NOL4L: variants seen among roughly 807,000 people sequenced by gnomAD.
NOL4L encodes nucleolar protein 4-like.
A neutral mutation model predicts 64.5 loss-of-function variants in NOL4L; 7 were observed. That is an observed-to-expected ratio of 0.11 (90% confidence interval 0.06 to 0.20). The LOEUF is 0.20. Among genes scored for constraint, NOL4L ranks in the 10% least tolerant of loss-of-function variants. The probability of loss-of-function intolerance (pLI) is 1.00; values close to 1 mark genes in which losing one functional copy is unlikely to be tolerated. For synonymous variants in NOL4L, 413 were observed against 401.0 expected, an observed-to-expected ratio of 1.03 and a Z score of -0.36; for missense variants, 680 against 967.1, an observed-to-expected ratio of 0.70 and a Z score of 3.94.
rs909082226 is a variant in NOL4L at position 32,464,734 on chromosome 20, T to C, written c.842-8339A>G. On this transcript the variant is annotated intron_variant, in intron 5 of 10. Transcript: ENST00000621426. The surrounding 1 kb of genome is among the most constrained non-coding windows in gnomAD (Gnocchi z 5.6). ...GTGGGAGCCGCATGAGGGATTTGAG[T>C]GCCCTAGTACCCACATTTTAAAAAG... 3.2e-6 allele frequency: 1 copy of C among 309,566 alleles called. No individual in the cohort carries two copies. The highest frequency in any genetic ancestry group is 5.9e-6 in the Non-Finnish European group (1 of 170,278). The allele number at this position is 309,566 out of a possible 1,614,324, so 19.2% of individuals were successfully genotyped here. A position where few individuals can be genotyped will look rare whatever the true frequency, so the allele number is the denominator to read the frequency against.
chr20:32,564,227 C>T (rs1415656357), intron 1 of NOL4L, among the ~76,000 whole-genome samples: 1 of 152,194 alleles, frequency 6.6e-6, no homozygotes, highest in African/African-American at 2.4e-5. Flanking sequence ...TTAACGTGGC[C>T]CTGTCATCCT....
intron 4 of NOL4L, among the ~76,000 whole-genome samples, chr20:32,476,227 A>ACACG (rs2015388232): frequency 6.6e-6 from 1 of 151,724 alleles, no homozygotes; most frequent in East Asian, 1.9e-4. Context: ...ACACACACAC[A>ACACG]CACACACACG....
chr20:32,527,991 G>C (rs1361965438), intron 1 of NOL4L, 78 bp from the exon 2 acceptor site: 12 of 1,395,502 alleles, frequency 8.6e-6, no homozygotes, highest in African/African-American at 2.8e-5. Context: ...CCGGGGCAAG[G>C]GGTCAGGACG....
intron 1 of NOL4L, among the ~76,000 whole-genome samples, chr20:32,539,998 G>A (rs1434803753): frequency 6.6e-6 from 1 of 152,208 alleles, no homozygotes; most frequent in African/African-American, 2.4e-5. Flanking sequence ...TTCCTGCCAA[G>A]CTGATACCAG....
Position 32,502,688 on chromosome 20 carries a change from A to G in NOL4L, c.699+8659T>C, listed in dbSNP as rs950072942. On this transcript the variant is annotated intron_variant, in intron 4 of 10. Coordinates refer to ENST00000621426, the MANE Select transcript of NOL4L (RefSeq NM_001256798.2). Reference sequence around the variant, plus strand: ...CACTTTGGGAAGCCGAGGCGGGTGGATCACCTGAGGTCAGGAGTTCGAGAC... The same window carrying G: ...CACTTTGGGAAGCCGAGGCGGGTGGGTCACCTGAGGTCAGGAGTTCGAGAC... Among the ~76,000 whole-genome samples the G allele has an allele frequency of 5.9e-5, 9 of 151,946 alleles. No individual in the cohort carries two copies. In the East Asian group the frequency reaches 1.5e-3, roughly 26 times the overall value.
In NOL4L at chr20:32,453,237, C is replaced by T; in HGVS notation, c.1497+67G>A. ...CCCTGGGTGAAGGGGCCCGGGCATC[C>T]TGGGAGTGTGGCAGGAGGTCAGTAG... On this transcript the variant is annotated intron_variant, in intron 8 of 10. Coordinates refer to ENST00000621426, the MANE Select transcript of NOL4L (RefSeq NM_001256798.2). This position sits in a 1 kb window ranked among gnomAD's most constrained non-coding sequence, Gnocchi z 5.6. 6.4e-7 allele frequency: 1 copy of T among 1,563,630 alleles called. No homozygotes were observed. The highest frequency in any genetic ancestry group is 8.7e-7 in the Non-Finnish European group (1 of 1,148,110).
chr20:32,538,462 GCTCCCTCCCTCCCTCCCTCCCTCC>G (rs145359787), intron 1 of NOL4L, among the ~76,000 whole-genome samples: 89 of 125,970 alleles, frequency 7.1e-4, no homozygotes, highest in African/African-American at 2.0e-3. Context: ...TCCCTCCCTC[GCTCCCTCCCTCCCTCCCTCCCTCC>G]CTCCCTCCCT....
intron 4 of NOL4L, among the ~76,000 whole-genome samples, chr20:32,491,381 C>T (rs1568652336): frequency 6.6e-6 from 1 of 152,220 alleles, no homozygotes; most frequent in Admixed American, 6.5e-5. Context: ...GGGCTGTCAA[C>T]AAAGACACCT....
intron 5 of NOL4L, among the ~76,000 whole-genome samples, chr20:32,472,680 G>C (rs1348528410): frequency 6.6e-6 from 1 of 152,174 alleles, no homozygotes; most frequent in South Asian, 2.1e-4. Flanking sequence ...GCCCAGAAGA[G>C]GCAGCAGAGG....
chr20:32,453,022 G>C lies in NOL4L; in HGVS notation c.1498-16C>G, dbSNP rs1312757385. 6.2e-7 allele frequency: 1 copy of C among 1,612,380 alleles called. No individual in the cohort carries two copies. The highest frequency in any genetic ancestry group is 8.5e-7 in the Non-Finnish European group (1 of 1,179,996). ...TGGGTCTGGTCTGCAGGCAGAACGG[G>C]GATGGAGCTAGCATGGGGCCCGTGG... On this transcript the variant is annotated splice_polypyrimidine_tract_variant and intron_variant, in intron 8 of 10. Coordinates refer to ENST00000621426, the MANE Select transcript of NOL4L (RefSeq NM_001256798.2). This position sits in a 1 kb window ranked among gnomAD's most constrained non-coding sequence, Gnocchi z 5.6.
chr20:32,502,072 G>T (rs1023220162), intron 4 of NOL4L, among the ~76,000 whole-genome samples: 1 of 152,160 alleles, frequency 6.6e-6, no homozygotes, highest in South Asian at 2.1e-4. Context: ...TTATGAGAGG[G>T]TGTAAGAGTG....
Position 32,463,525 on chromosome 20 carries a change from T to C in NOL4L, c.842-7130A>G, listed in dbSNP as rs58880823. Among the ~76,000 whole-genome samples, 7,335 of 152,228 alleles carry C rather than the reference T, an allele frequency of 0.048. 594 individuals are homozygous for C. The highest frequency in any genetic ancestry group is 0.17 in the African/African-American group (6,936 of 41,522). Reference sequence around the variant, plus strand: ...TGTGGCAAAGGGCGACTCCTTCATCTGGGCAGGACCCGGAGCCCACCACCT... The same window carrying C: ...TGTGGCAAAGGGCGACTCCTTCATCCGGGCAGGACCCGGAGCCCACCACCT... On this transcript the variant is annotated intron_variant, in intron 5 of 10. Coordinates refer to ENST00000621426, the MANE Select transcript of NOL4L (RefSeq NM_001256798.2). This position sits in a 1 kb window ranked among gnomAD's most constrained non-coding sequence, Gnocchi z 5.8.
At chr20:32,471,690 C>A (rs986234676) in intron 5 of NOL4L, among the ~76,000 whole-genome samples, 1 of 151,960 alleles carries the variant, frequency 6.6e-6, no homozygotes, top group Non-Finnish European at 1.5e-5. Flanking sequence ...TGGAGGTGGG[C>A]CTGGTGGGAG....
chr20:32,567,870 T>C (rs1032642504), intron 1 of NOL4L, among the ~76,000 whole-genome samples: 8 of 151,236 alleles, frequency 5.3e-5, no homozygotes, highest in Non-Finnish European at 8.9e-5. Flanking sequence ...CACACCACCA[T>C]TGTCATCACC....
chr20:32,574,781 C>T (rs952063752), intron 1 of NOL4L, among the ~76,000 whole-genome samples: 2 of 140,960 alleles, frequency 1.4e-5, no homozygotes, highest in African/African-American at 2.4e-5. Flanking sequence ...GGCCCCGAGG[C>T]CTAAGTCACG....
intron 1 of NOL4L, among the ~76,000 whole-genome samples, chr20:32,538,239 T>C (rs182708884): frequency 6.6e-6 from 1 of 152,246 alleles, no homozygotes; most frequent in Non-Finnish European, 1.5e-5. Context: ...GGGAGAGCCT[T>C]TGGGGGGCAG....
chr20:32,503,759 C>T lies in NOL4L; in HGVS notation c.699+7588G>A, dbSNP rs566683396. ...AGCTTAACAGCCCTCCTCACCTCCCCAATGGCAGACCTCCAAGGTCTGGAG... is the reference window on the plus strand; with the variant it reads ...AGCTTAACAGCCCTCCTCACCTCCCTAATGGCAGACCTCCAAGGTCTGGAG... On this transcript the variant is annotated intron_variant, in intron 4 of 10. Coordinates refer to ENST00000621426, the MANE Select transcript of NOL4L (RefSeq NM_001256798.2). Among the ~76,000 whole-genome samples the T allele has an allele frequency of 4.6e-5, 7 of 152,194 alleles. 1 individual carries two copies. Among genetic ancestry groups the T allele is most frequent in the Admixed American group, 2.6e-4 (4 of 15,284 alleles).
intron 2 of NOL4L, 35 bp from the exon 3 acceptor site, chr20:32,520,957 T>A: frequency 6.8e-7 from 1 of 1,462,860 alleles, no homozygotes; most frequent in Non-Finnish European, 9.3e-7. Flanking sequence ...GTTATATGGA[T>A]CTGTGGGGAG....
At chr20:32,569,889 A>G (rs1979654882) in intron 1 of NOL4L, among the ~76,000 whole-genome samples, 1 of 152,186 alleles carries the variant, frequency 6.6e-6, no homozygotes, top group Non-Finnish European at 1.5e-5. Flanking sequence ...CACCAATCAA[A>G]ATGTGCTGAA....
Sources: allele counts gnomAD v4.1 joint callset (sites outside exome capture counted in the v4.1 genomes callset), GRCh38; gene constraint gnomAD v4.1.1; non-coding constraint Gnocchi (gnomAD v3.1); transcripts MANE v1.5; gene names NCBI Gene and HGNC (gene_info 2026-07-23, HGNC 2026-07-21).